The following LIPC variants were observed in gnomAD, a reference collection of about 807,000 sequenced individuals.
The protein encoded by LIPC is lipase C, hepatic type, also known as hepatic triacylglycerol lipase.
In LIPC, 44 loss-of-function variants were observed where a neutral mutation model predicts 50.7. The observed-to-expected ratio is 0.87, with a 90% CI of 0.68 to 1.11. The LOEUF (loss-of-function observed/expected upper bound fraction) is 1.11, where lower values mean the gene tolerates loss of function less well. Ranked by LOEUF, LIPC falls within the 50% of genes most tolerant of loss-of-function variation. The pLI, the probability that LIPC is intolerant of heterozygous loss-of-function variation, is 0.00. For missense variants in LIPC, 697 were observed against 648.2 expected, an observed-to-expected ratio of 1.08 and a Z score of -0.82; for synonymous variants, 271 against 256.4, an observed-to-expected ratio of 1.06 and a Z score of -0.54.
chr15:58,542,843 C>T (rs1177792501), intron 4 of LIPC, among the ~76,000 whole-genome samples, 192 bp downstream of exon 4: 3 of 152,208 alleles, frequency 2.0e-5, no homozygotes, highest in Non-Finnish European at 4.4e-5. Flanking sequence ...GAATTCAGAG[C>T]AAATTATAGC....
intron 8 of LIPC, among the ~76,000 whole-genome samples, chr15:58,567,118 C>T (rs571325135): frequency 6.6e-6 from 1 of 150,420 alleles, no homozygotes; most frequent in African/African-American, 2.4e-5. Flanking sequence ...AAAGGAATCG[C>T]TTGAACCCAG....
intron 4 of LIPC, among the ~76,000 whole-genome samples, chr15:58,545,339 A>G (rs972935216): frequency 1.3e-5 from 2 of 152,242 alleles, no homozygotes; most frequent in East Asian, 1.9e-4. Context: ...CCTGGGCTCA[A>G]GCAACCCTCC....
rs776099493 is a variant in LIPC, at chr15:58,542,602, A to G, written c.525A>G (p.Gly175=). The change falls in exon 4 of 9, where the codon GGA becomes GGG. Residue 175 remains glycine (G), a synonymous_variant. Transcript: ENST00000299022. ...ACAGCCTGGGTGCACACGTGTCAGG[A>G]TTTGCCGGCAGTTCCATCGGTGGAA... ...IGYSLGAHVS[G]FAGSSIGGTH... 125 of 1,613,744 alleles carry G rather than the reference A, an allele frequency of 7.7e-5. No individual in the cohort carries two copies. Among genetic ancestry groups the G allele is most frequent in the Non-Finnish European group, 1.0e-4 (118 of 1,179,856 alleles).
rs777626514 is a variant in LIPC, at chr15:58,545,787, A to G, written c.620A>G (p.Asn207Ser). Residue 207 changes from asparagine (N) to serine (S), a missense_variant, in exon 5 of 9, where the codon AAT becomes AGT. Transcript: ENST00000299022. Reference protein sequence around the residue: ...GPLFEGSAPSNRLSPDDANFV... With the variant: ...GPLFEGSAPSSRLSPDDANFV... The stretch of plus-strand genomic sequence containing the variant: ...TTGTTTGAGGGAAGTGCCCCCAGCA[A>G]TCGTCTTTCTCCAGATGATGCCAAT... 13 of 1,614,084 alleles carry G rather than the reference A, an allele frequency of 8.1e-6. No homozygotes were observed. The highest frequency in any genetic ancestry group is 2.2e-5 in the South Asian group (2 of 91,084).
At chr15:58,456,004 T>G (rs1483993108) in intron 1 of LIPC, among the ~76,000 whole-genome samples, 3 of 152,024 alleles carry the variant, frequency 2.0e-5, no homozygotes, top group Non-Finnish European at 4.4e-5. Flanking sequence ...CAGGGATGGA[T>G]AGACAATCTG....
chr15:58,541,605 C>G (rs1038457836), intron 2 of LIPC, 180 bp from the exon 3 acceptor site: 1 of 678,970 alleles, frequency 1.5e-6, no homozygotes, highest in Non-Finnish European at 2.6e-6. Flanking sequence ...TGCTAAACAT[C>G]GTACAATGCC....
chr15:58,497,788 T>A (rs1017349197), intron 1 of LIPC: 4 of 152,276 alleles, frequency 2.6e-5, no homozygotes, highest in African/African-American at 9.7e-5. Context: ...CCTGTCTTTG[T>A]TGTGCGACCA....
intron 1 of LIPC, among the ~76,000 whole-genome samples, chr15:58,441,074 C>T (rs1893492280): frequency 6.6e-6 from 1 of 152,182 alleles, no homozygotes; most frequent in Admixed American, 6.5e-5. Flanking sequence ...GGCTAAAACC[C>T]TGGCCACTCC....
rs539218227 is a variant in LIPC, at chr15:58,484,664, G to A, written c.88+52544G>A. ...CAGTCAGCTCCAGGTGGGGCTCATG[G>A]GGCATGGGCCCTGGAGCCCACACAC... On this transcript the variant is annotated intron_variant, in intron 1 of 8. Transcript: ENST00000299022. 5.9e-3 allele frequency among the ~76,000 whole-genome samples: 897 copies of A among 152,372 alleles called. 1 individual carries two copies. Among genetic ancestry groups the A allele is most frequent in the Non-Finnish European group, 0.011 (722 of 68,030 alleles).
At chr15:58,438,807 G>T (rs1893403471) in intron 1 of LIPC, among the ~76,000 whole-genome samples, 1 of 152,200 alleles carries the variant, frequency 6.6e-6, no homozygotes, top group Non-Finnish European at 1.5e-5. Flanking sequence ...TGGAGTTTCT[G>T]GGTGACTGGA....
intron 1 of LIPC, among the ~76,000 whole-genome samples, chr15:58,505,262 G>C (rs1892109701): frequency 6.6e-6 from 1 of 152,240 alleles, no homozygotes; most frequent in Non-Finnish European, 1.5e-5. Context: ...TCCAGCCTCT[G>C]CTACATATGG....
At chr15:58,567,283 A>G (rs181377068) in intron 8 of LIPC, among the ~76,000 whole-genome samples, 53,564 of 101,598 alleles carry the variant, frequency 0.53, 12,944 homozygotes, top group African/African-American at 0.67. Context: ...GTGTGTGTGT[A>G]TATATATATA....
chr15:58,562,970 G>A (rs7171818), intron 7 of LIPC, among the ~76,000 whole-genome samples: 62,316 of 152,094 alleles, frequency 0.41, 15,072 homozygotes, highest in Non-Finnish European at 0.55. Context: ...GAGTAAAGCT[G>A]ATCATGATAC....
intron 1 of LIPC, among the ~76,000 whole-genome samples, chr15:58,518,258 G>A (rs757806055): frequency 1.3e-5 from 2 of 152,182 alleles, no homozygotes; most frequent in Non-Finnish European, 2.9e-5. Context: ...CCAAGGTGGG[G>A]GAAGGTAACA....
rs765084082 is a variant in LIPC, at chr15:58,563,587, T to C, written c.1252T>C (p.Phe418Leu). Reference sequence around the variant, plus strand: ...TATCGGCGAGCTGATCATGATCAAGTTCAAGTGGGAAAACAGTGCAGTGTG... The same window carrying C: ...TATCGGCGAGCTGATCATGATCAAGCTCAAGTGGGAAAACAGTGCAGTGTG... The part of the protein sequence containing the change: ...VDIGELIMIK[F>L]KWENSAVWAN... The change falls in exon 8 of 9, where the codon TTC becomes CTC. Residue 418 changes from phenylalanine to leucine, a missense_variant. Coordinates refer to ENST00000299022, the MANE Select transcript of LIPC (RefSeq NM_000236.3). 1.2e-6 allele frequency: 2 copies of C among 1,614,112 alleles called. No individual in the cohort carries two copies. The highest frequency in any genetic ancestry group is 1.7e-6 in the Non-Finnish European group (2 of 1,180,010).
At chr15:58,533,224 A>G (rs1208965160) in intron 1 of LIPC, 2 of 944,390 alleles carry the variant, frequency 2.1e-6, no homozygotes, top group South Asian at 4.9e-5. Flanking sequence ...AGCTTATCCA[A>G]TATGGAACCA....
chr15:58,476,960 CT>C (rs1566921787), intron 1 of LIPC, among the ~76,000 whole-genome samples: 2 of 152,230 alleles, frequency 1.3e-5, no homozygotes, highest in African/African-American at 4.8e-5. Context: ...GTCATTCTAA[CT>C]CAAATCAAAC....
intron 1 of LIPC, among the ~76,000 whole-genome samples, chr15:58,470,542 A>G (rs925339737): frequency 6.6e-6 from 1 of 152,172 alleles, no homozygotes; most frequent in Non-Finnish European, 1.5e-5. Context: ...AAAGTAGTAC[A>G]TGCTTAATAC....
At position 58,541,895 on chromosome 15, in the gene LIPC, C is replaced by A; in HGVS notation, c.384C>A (p.Asp128Glu). The part of the protein sequence containing the change: ...GLVDWITLAH[D>E]HYTIAVRNTR... ...TGGACTGGATCACCCTGGCCCACGA[C>A]CACTACACCATCGCCGTCCGCAACA... is the stretch of plus-strand genomic sequence containing the variant. Residue 128 changes from aspartate (D) to glutamate (E), a missense_variant, in exon 3 of 9, where the codon GAC (aspartate) becomes GAA (glutamate). By Grantham distance (45) the Asp-to-Glu change is conservative. Transcript: ENST00000299022. 6.2e-7 allele frequency: 1 copy of A among 1,612,204 alleles called. No individual in the cohort carries two copies. Among genetic ancestry groups the A allele is most frequent in the Non-Finnish European group, 8.5e-7 (1 of 1,179,976 alleles).
Sources: allele counts gnomAD v4.1 joint callset (sites outside exome capture counted in the v4.1 genomes callset), GRCh38; gene constraint gnomAD v4.1.1; transcripts MANE v1.5; gene names NCBI Gene and HGNC (gene_info 2026-07-23, HGNC 2026-07-21).